Variants in PNLIP observed in about 807,000 individuals in gnomAD.
PNLIP encodes pancreatic triacylglycerol lipase.
In PNLIP, 49 loss-of-function variants were observed where a neutral mutation model predicts 57.1. The observed-to-expected ratio is 0.86, with a 90% CI of 0.68 to 1.09. PNLIP has a LOEUF of 1.09. PNLIP is among the 50% of genes least tolerant of loss of function. The pLI is 0.00. For synonymous variants in PNLIP, 209 were observed against 200.4 expected, an observed-to-expected ratio of 1.04 and a Z score of -0.36; for missense variants, 503 against 570.2, an observed-to-expected ratio of 0.88 and a Z score of 1.20.
intron 12 of PNLIP, among the ~76,000 whole-genome samples, chr10:116,567,231 TTTC>T (rs1847379343): frequency 6.6e-6 from 1 of 152,118 alleles, no homozygotes; most frequent in South Asian, 2.1e-4. Flanking sequence ...TTCTTTCTTC[TTTC>T]TTTATTCCTT....
Position 116,567,826 on chromosome 10 carries a change from T to C in PNLIP, c.*28T>C. The stretch of plus-strand genomic sequence containing the variant: ...GACTACTGTTATTTGACCAATGAAT[T>C]GACTTCTAATAAAATCTAGTGGTGA... On this transcript the variant is annotated 3_prime_UTR_variant, in exon 13 of 13. Transcript: ENST00000369221. 6.5e-7 allele frequency: 1 copy of C among 1,545,422 alleles called. No individual in the cohort carries two copies. The highest frequency in any genetic ancestry group is 8.9e-7 in the Non-Finnish European group (1 of 1,117,370).
rs545040205 is a variant in PNLIP at position 116,559,720 on chromosome 10, T to C, written c.1060+437T>C. On this transcript the variant is annotated intron_variant, in intron 10 of 12. Coordinates refer to ENST00000369221, the MANE Select transcript of PNLIP (RefSeq NM_000936.4). ...TCCATGGGTGATGGGAATTAGAGGC[T>C]GGAGGAGTGGTAGGAATGGGAACAG... Among the ~76,000 whole-genome samples the C allele has an allele frequency of 1.4e-4, 22 of 152,256 alleles. No individual in the cohort carries two copies. In the South Asian group the frequency reaches 4.4e-3, roughly 30 times the overall value.
chr10:116,558,539 A>G (rs777882223), intron 9 of PNLIP, among the ~76,000 whole-genome samples: 1 of 151,714 alleles, frequency 6.6e-6, no homozygotes, highest in Non-Finnish European at 1.5e-5. Flanking sequence ...TAAGTAGATG[A>G]ATGTCTTGGG....
intron 4 of PNLIP, among the ~76,000 whole-genome samples, chr10:116,549,414 G>T (rs187557373): frequency 8.5e-4 from 129 of 152,240 alleles, no homozygotes; most frequent in African/African-American, 3.0e-3. Context: ...GGGAGGCAGA[G>T]GTTGCAGTGA....
At chr10:116,556,554 C>T (rs1434027514) in intron 9 of PNLIP, among the ~76,000 whole-genome samples, 1 of 151,890 alleles carries the variant, frequency 6.6e-6, no homozygotes, top group Non-Finnish European at 1.5e-5. Context: ...GAATTTTCAT[C>T]TTATTTGGTA....
chr10:116,546,465 A>C (rs1046631458), intron 2 of PNLIP, among the ~76,000 whole-genome samples: 74 of 152,214 alleles, frequency 4.9e-4, no homozygotes, highest in African/African-American at 1.7e-3. Flanking sequence ...CCTGACATCA[A>C]GTCAAGTTAA....
chr10:116,549,456 A>T (rs191975658), intron 4 of PNLIP, among the ~76,000 whole-genome samples: 1 of 152,034 alleles, frequency 6.6e-6, no homozygotes, highest in East Asian at 1.9e-4. Context: ...TCCAGCCTGG[A>T]CAACAGAGCA....
intron 2 of PNLIP, 50 bp downstream of exon 2, chr10:116,546,188 G>T: frequency 1.3e-6 from 2 of 1,498,536 alleles, no homozygotes; most frequent in Non-Finnish European, 1.9e-6. Flanking sequence ...TTTTCAACAC[G>T]GTCAGGAGGG....
intron 5 of PNLIP, among the ~76,000 whole-genome samples, chr10:116,553,173 T>G (rs541314268): frequency 6.6e-6 from 1 of 152,324 alleles, no homozygotes; most frequent in South Asian, 2.1e-4. Context: ...TGGCGCGATC[T>G]CGGCTCACTG....
intron 9 of PNLIP, among the ~76,000 whole-genome samples, chr10:116,557,190 C>T (rs1053881471): frequency 1.3e-5 from 2 of 152,090 alleles, no homozygotes; most frequent in African/African-American, 4.8e-5. Context: ...TTCCCCAATA[C>T]CCAACAATAA....
At chr10:116,555,870 T>C (rs1847247817) in intron 8 of PNLIP, 130 bp from the exon 9 acceptor site, 1 of 669,790 alleles carries the variant, frequency 1.5e-6, no homozygotes, top group East Asian at 2.5e-5. Flanking sequence ...ACTTTACAAA[T>C]GACTTTGTTC....
At position 116,561,674 on chromosome 10, in the gene PNLIP, G is replaced by A. The variant is rs760695840; in HGVS notation, c.1334+38G>A. The A allele has an allele frequency of 5.2e-5, 82 of 1,562,736 alleles. No individual in the cohort carries two copies. The South Asian group carries it at 9.1e-4, about 17-fold the overall frequency. ...AATCCCAGGAGATGTGAAATATCGA[G>A]TCTGTGTTTATAGTTCTATTCCCAC... On this transcript the variant is annotated intron_variant, in intron 12 of 12. Transcript: ENST00000369221.
intron 12 of PNLIP, 99 bp from the exon 13 acceptor site, chr10:116,567,636 C>T (rs1217787122): frequency 4.2e-6 from 4 of 951,864 alleles, no homozygotes; most frequent in African/African-American, 1.6e-5. Context: ...TGCGCCCTTC[C>T]CTCAGACTAG....
chr10:116,547,374 A>C lies in PNLIP; in HGVS notation c.127A>C (p.Ile43Leu). 6.2e-7 allele frequency: 1 copy of C among 1,614,002 alleles called. No individual in the cohort carries two copies. Among genetic ancestry groups the C allele is most frequent in the Non-Finnish European group, 8.5e-7 (1 of 1,179,900 alleles). The change falls in exon 3 of 13, where the codon ATA (isoleucine) becomes CTA (leucine). Residue 43 changes from isoleucine (I) to leucine (L), a missense_variant. By Grantham distance (5) the Ile-to-Leu change is conservative. Transcript: ENST00000369221. ...WSGITERPLH[I>L]LPWSPKDVNT... is the part of the protein sequence containing the mutation. ...AGGAATTACGGAAAGACCCCTCCAT[A>C]TATTGCCTTGGTCTCCAAAAGATGT...
At chr10:116,553,564 A>G (rs1353664026) in intron 5 of PNLIP, among the ~76,000 whole-genome samples, 163 bp from the exon 6 acceptor site, 4 of 152,206 alleles carry the variant, frequency 2.6e-5, no homozygotes, top group Non-Finnish European at 5.9e-5. Flanking sequence ...CACACAGCCC[A>G]GGTAGGTAGT....
intron 4 of PNLIP, among the ~76,000 whole-genome samples, chr10:116,550,428 C>G (rs2133199469): frequency 6.6e-6 from 1 of 151,864 alleles, no homozygotes; most frequent in African/African-American, 2.4e-5. Context: ...GAATTCCTTC[C>G]AGAACTAACC....
chr10:116,559,020 A>T (rs1589558059), intron 9 of PNLIP, 134 bp from the exon 10 acceptor site: 10 of 988,268 alleles, frequency 1.0e-5, no homozygotes, highest in Middle Eastern at 5.6e-4. Flanking sequence ...TGCTGCTGAG[A>T]CACTATTAAA....
At chr10:116,547,119 G>C (rs957521436) in intron 2 of PNLIP, among the ~76,000 whole-genome samples, 175 bp from the exon 3 acceptor site, 2 of 152,204 alleles carry the variant, frequency 1.3e-5, no homozygotes, top group African/African-American at 4.8e-5. Context: ...ACAACAGCCT[G>C]TCTGGAATAG....
At position 116,561,430 on chromosome 10, in the gene PNLIP, T is replaced by C. The variant is rs116496963; in HGVS notation, c.1170-42T>C. 3,492 of 1,442,650 alleles carry C rather than the reference T, an allele frequency of 2.4e-3. 75 individuals carry two copies. The African/African-American group carries it at 0.042, about 17-fold the overall frequency. The allele number at this position is 1,442,650 out of a possible 1,614,324, so 89.4% of individuals were successfully genotyped here. Reference sequence around the variant, plus strand: ...ACAAATATATATGTATATATTTACATGTATGCTCATGTATGTTTTTGTTAA... The same window carrying C: ...ACAAATATATATGTATATATTTACACGTATGCTCATGTATGTTTTTGTTAA... On this transcript the variant is annotated intron_variant, in intron 11 of 12. Coordinates refer to ENST00000369221, the MANE Select transcript of PNLIP (RefSeq NM_000936.4).
Sources: allele counts gnomAD v4.1 joint callset (sites outside exome capture counted in the v4.1 genomes callset), GRCh38; gene constraint gnomAD v4.1.1; transcripts MANE v1.5; gene names NCBI Gene and HGNC (gene_info 2026-07-23, HGNC 2026-07-21).